LIN28A: variants seen among roughly 807,000 people sequenced by gnomAD.
The protein encoded by LIN28A is lin-28 RNA binding posttranscriptional regulator A, also known as protein lin-28 homolog A.
A neutral mutation model predicts 21.1 loss-of-function variants in LIN28A; 11 were observed. The observed-to-expected ratio is 0.52, with a 90% CI of 0.33 to 0.86. The LOEUF (loss-of-function observed/expected upper bound fraction) is 0.86. Ranked by LOEUF, LIN28A falls within the 40% of genes least tolerant of loss-of-function variation. The pLI, the probability that LIN28A is intolerant of heterozygous loss-of-function variation, is 0.03. For synonymous variants in LIN28A, 111 were observed against 108.7 expected (o/e 1.02, Z -0.13); for missense variants, 219 against 279.8 (o/e 0.78, Z 1.55).
chr1:26,423,919 C>T (rs770852431), intron 2 of LIN28A, among the ~76,000 whole-genome samples: 8 of 151,868 alleles, frequency 5.3e-5, no homozygotes, highest in East Asian at 1.9e-4. Flanking sequence ...CCCGCCACCA[C>T]GCCTGGCTAA....
intron 3 of LIN28A, 56 bp from the exon 4 acceptor site, chr1:26,426,186 G>A (rs1422401920): frequency 1.4e-6 from 2 of 1,403,156 alleles, no homozygotes. Context: ...TTCGTGGGAG[G>A]CATCTGGCCT....
chr1:26,420,506 A>G (rs1048094370), intron 2 of LIN28A, among the ~76,000 whole-genome samples: 1 of 150,678 alleles, frequency 6.6e-6, no homozygotes, highest in African/African-American at 2.4e-5. Flanking sequence ...CCTAGCTTAA[A>G]CCCAGAAGAA....
rs1230248523 is a variant in LIN28A at position 26,411,273 on chromosome 1, C to G, written c.32-113C>G. ...CTCTTCTGTTGCTTGGTAGCTGCCC[C>G]CTCCTGGCTGTCCACTTGTGGGGCT... On this transcript the variant is annotated intron_variant, in intron 1 of 3. Transcript: ENST00000326279. The surrounding 1 kb of genome is among the most constrained non-coding windows in gnomAD (Gnocchi z 5.4). 14 of 1,051,886 alleles carry G rather than the reference C, an allele frequency of 1.3e-5. No homozygotes were observed. Among genetic ancestry groups the G allele is most frequent in the African/African-American group, 1.1e-4 (7 of 61,672 alleles). The allele number at this position is 1,051,886 out of a possible 1,614,324, so 65.2% of individuals were successfully genotyped here.
chr1:26,426,657 A>C lies in LIN28A; in HGVS notation c.*199A>C. On this transcript the variant is annotated 3_prime_UTR_variant, in exon 4 of 4. Coordinates refer to ENST00000326279, the MANE Select transcript of LIN28A (RefSeq NM_024674.6). ...GGAACTCCAACCATGCTCTGTCCAA[A>C]TGCAAGTGAGGGTTCTGGGGGCAAC... 29 of 559,544 alleles carry C rather than the reference A, an allele frequency of 5.2e-5. No homozygotes were observed. Among genetic ancestry groups the C allele is most frequent in the East Asian group, 2.9e-4 (9 of 31,522 alleles). 34.7% of individuals were successfully genotyped at this position (559,544 alleles called of 1,614,324 possible).
At chr1:26,412,041 C>T (rs1269589957) in intron 2 of LIN28A, among the ~76,000 whole-genome samples, 2 of 152,224 alleles carry the variant, frequency 1.3e-5, no homozygotes, top group East Asian at 1.9e-4. Context: ...ACCCAAGGGG[C>T]GTAAAGCCGA....
intron 2 of LIN28A, among the ~76,000 whole-genome samples, chr1:26,413,724 G>T (rs1317535559): frequency 6.6e-6 from 1 of 151,788 alleles, no homozygotes; most frequent in Non-Finnish European, 1.5e-5. Flanking sequence ...TGCCAGAAAG[G>T]CTTGGGTCAG....
rs1210294853 is a variant in LIN28A, at chr1:26,419,928, C to A, written c.229-5375C>A. ...CCCACTAATTGCATCTCTTGTCCCA[C>A]CCCGCTCAATAAAAAATAAGTCAAA... On this transcript the variant is annotated intron_variant, in intron 2 of 3. Transcript: ENST00000326279. Among the ~76,000 whole-genome samples the A allele has an allele frequency of 2.6e-5, 4 of 152,222 alleles. No homozygotes were observed. In the South Asian group the frequency reaches 6.2e-4, roughly 24 times the overall value.
At chr1:26,414,313 G>C (rs919167101) in intron 2 of LIN28A, among the ~76,000 whole-genome samples, 6 of 152,176 alleles carry the variant, frequency 3.9e-5, no homozygotes, top group African/African-American at 1.4e-4. Flanking sequence ...GGGCTGGTGA[G>C]AAGGTAATTG....
Position 26,423,417 on chromosome 1 carries a change from T to TTC in LIN28A, c.229-1885_229-1884insCT, listed in dbSNP as rs1159189884. Among the ~76,000 whole-genome samples, 30 of 100,818 alleles carry TTC rather than the reference T, an allele frequency of 3.0e-4. No individual in the cohort carries two copies. The South Asian group carries it at 7.7e-3, about 26-fold the overall frequency. The allele number at this position is 100,818 out of a possible 152,430, so 66.1% of individuals were successfully genotyped here. On this transcript the variant is annotated intron_variant, in intron 2 of 3. Coordinates refer to ENST00000326279, the MANE Select transcript of LIN28A (RefSeq NM_024674.6). The stretch of plus-strand genomic sequence containing the variant: ...GATTTCCTTTTTTTTCTTTTTCTTT[T>TTC]TTTTTTTTTTTTTTTTTTTGTTGTT...
chr1:26,422,805 T>C (rs1176857738), intron 2 of LIN28A, among the ~76,000 whole-genome samples: 1 of 152,220 alleles, frequency 6.6e-6, no homozygotes, highest in East Asian at 1.9e-4. Flanking sequence ...TATTTTCCCA[T>C]AGCCTTTAGA....
intron 2 of LIN28A, among the ~76,000 whole-genome samples, chr1:26,417,808 T>C (rs1432584575): frequency 6.6e-6 from 1 of 152,204 alleles, no homozygotes; most frequent in African/African-American, 2.4e-5. Context: ...CAAATGCTTG[T>C]GCAAGCTAAG....
At chr1:26,423,398 CT>C (rs747828812) in intron 2 of LIN28A, among the ~76,000 whole-genome samples, 3 of 118,556 alleles carry the variant, frequency 2.5e-5, no homozygotes, top group Admixed American at 2.0e-4. Flanking sequence ...TTATGATTTC[CT>C]TTTTTTTCTT....
chr1:26,424,225 C>T (rs940375437), intron 2 of LIN28A, among the ~76,000 whole-genome samples: 1 of 151,810 alleles, frequency 6.6e-6, no homozygotes, highest in Non-Finnish European at 1.5e-5. Context: ...TGCTTCATAG[C>T]GTGACATTTT....
chr1:26,425,214 G>T, intron 2 of LIN28A, 89 bp from the exon 3 acceptor site: 2 of 1,309,592 alleles, frequency 1.5e-6, no homozygotes, highest in South Asian at 1.4e-5. Flanking sequence ...CATCACATTT[G>T]ATTCCTACCC....
At position 26,411,449 on chromosome 1, in the gene LIN28A, C is replaced by T. The variant is rs372648933; in HGVS notation, c.95C>T (p.Ala32Val). ...GCGCCGGAGGACGCGGCCCGGGCGG[C>T]GGACGAGCCTCAGCTGCTGCACGGT... is the stretch of plus-strand genomic sequence containing the variant. ...EEAPEDAARA[A>V]DEPQLLHGAG... is the part of the protein sequence containing the mutation. The change falls in exon 2 of 4, where the codon GCG (alanine) becomes GTG (valine). Residue 32 changes from alanine (A) to valine (V), a missense_variant. Ala to Val is a moderately conservative substitution (Grantham distance 64). This residue lies in a region of LIN28A where 50 missense variants were observed against 49.0 expected (regional missense o/e 1.02). Transcript: ENST00000326279. This position sits in a 1 kb window ranked among gnomAD's most constrained non-coding sequence, Gnocchi z 5.4. The T allele has an allele frequency of 3.1e-4, 507 of 1,610,108 alleles. No individual in the cohort carries two copies. Among genetic ancestry groups the T allele is most frequent in the Non-Finnish European group, 4.2e-4 (498 of 1,178,378 alleles).
In LIN28A at chr1:26,426,386, A is replaced by G; in HGVS notation, c.558A>G (p.Gly186=). ...LKAQQGPSAQ[G]KPTYFREEEE... ...CCCAGCAGGGCCCTAGTGCACAGGG[A>G]AAGCCAACCTACTTTCGAGAGGAAG... Residue 186 remains glycine, a synonymous_variant, in exon 4 of 4, where the codon GGA becomes GGG. Transcript: ENST00000326279. The G allele has an allele frequency of 6.2e-7, 1 of 1,614,218 alleles. No individual in the cohort carries two copies.
intron 2 of LIN28A, among the ~76,000 whole-genome samples, chr1:26,419,402 G>A (rs2075015979): frequency 6.6e-6 from 1 of 152,156 alleles, no homozygotes; most frequent in South Asian, 2.1e-4. Context: ...GAGAGGACTA[G>A]TCAATTTCTT....
Position 26,419,714 on chromosome 1 carries a change from T to C in LIN28A, c.229-5589T>C, listed in dbSNP as rs111275439. 3.6e-3 allele frequency among the ~76,000 whole-genome samples: 552 copies of C among 152,284 alleles called. 3 individuals are homozygous for C. The highest frequency in any genetic ancestry group is 0.013 in the African/African-American group (526 of 41,546). ...TAAAATTAGTATTTACTCCATTTTA[T>C]AGATGATTAAAGAAAGGAGGGAACA... On this transcript the variant is annotated intron_variant, in intron 2 of 3. Coordinates refer to ENST00000326279, the MANE Select transcript of LIN28A (RefSeq NM_024674.6).
rs1398935097 is a variant in LIN28A at position 26,427,815 on chromosome 1, G to A, written c.*1357G>A. The stretch of plus-strand genomic sequence containing the variant: ...ATCCTTAACCTTTCAAAATTTTCGG[G>A]TTCCAGGGAGACACACAAGCGAGGG... On this transcript the variant is annotated 3_prime_UTR_variant, in exon 4 of 4. Coordinates refer to ENST00000326279, the MANE Select transcript of LIN28A (RefSeq NM_024674.6). 6.6e-6 allele frequency: 1 copy of A among 152,528 alleles called. No homozygotes were observed. Among genetic ancestry groups the A allele is most frequent in the Non-Finnish European group, 1.5e-5 (1 of 68,040 alleles). The allele number at this position is 152,528 out of a possible 1,614,324, so 9.4% of individuals were successfully genotyped here. A position where few individuals can be genotyped will look rare whatever the true frequency, so the allele number is the denominator to read the frequency against.
Sources: allele counts gnomAD v4.1 joint callset (sites outside exome capture counted in the v4.1 genomes callset), GRCh38; gene constraint gnomAD v4.1.1; regional missense constraint gnomAD v4.1.1; non-coding constraint Gnocchi (gnomAD v3.1); transcripts MANE v1.5; gene names NCBI Gene and HGNC (gene_info 2026-07-23, HGNC 2026-07-21).